The following LRIG1 variants were observed in gnomAD, a reference collection of about 807,000 sequenced individuals.
LRIG1 encodes the protein leucine rich repeats and immunoglobulin like domains 1, also known as leucine-rich repeats and immunoglobulin-like domains protein 1.
Under a neutral mutation model 99.2 loss-of-function variants are expected in LRIG1, and 48 were observed. The ratio of observed to expected loss-of-function variants is 0.48; its 90% confidence interval spans 0.38 to 0.62. The LOEUF is 0.62. Among genes scored for constraint, LRIG1 ranks in the 20% least tolerant of loss-of-function variants. The pLI is 0.00. For missense variants in LRIG1, 1,646 were observed against 1,434.4 expected (o/e 1.15, Z -2.38); for synonymous variants, 772 against 596.1 (o/e 1.29, Z -4.30).
In LRIG1 at chr3:66,380,504, C is replaced by G. The variant is rs376656062; in HGVS notation, c.3056-15G>C. 3.7e-6 allele frequency: 6 copies of G among 1,614,094 alleles called. No individual in the cohort carries two copies. The highest frequency in any genetic ancestry group is 2.2e-5 in the South Asian group (2 of 91,086). ...GGAAGAATCCCCTACAAGGAAAGAACGAACCTGTCAGACCCCCACTTGACC... is the reference window on the plus strand; with the variant it reads ...GGAAGAATCCCCTACAAGGAAAGAAGGAACCTGTCAGACCCCCACTTGACC... On this transcript the variant is annotated splice_polypyrimidine_tract_variant and intron_variant, in intron 18 of 18. Coordinates refer to ENST00000273261, the MANE Select transcript of LRIG1 (RefSeq NM_015541.3).
At chr3:66,495,792 T>C (rs1701213119) in intron 1 of LRIG1, among the ~76,000 whole-genome samples, 1 of 152,206 alleles carries the variant, frequency 6.6e-6, no homozygotes, top group African/African-American at 2.4e-5. Context: ...AAAACCCCAG[T>C]GCTCTCTCCT....
chr3:66,394,112 C>T lies in LRIG1; in HGVS notation c.1396G>A (p.Ala466Thr). ...AGTGATTCTGGGTGGGCACAGGTGG[C>T]TGTCACAAAGGCCTGCAGCATCCTG... The part of the protein sequence containing the change: ...IGRMLQAFVT[A>T]TCAHPESLKG... The change falls in exon 12 of 19, where the codon GCC becomes ACC. Residue 466 changes from alanine (A) to threonine (T), a missense_variant. Ala to Thr is a moderately conservative substitution (Grantham distance 58). Coordinates refer to ENST00000273261, the MANE Select transcript of LRIG1 (RefSeq NM_015541.3). The T allele has an allele frequency of 6.2e-7, 1 of 1,613,840 alleles. No individual in the cohort carries two copies. Among genetic ancestry groups the T allele is most frequent in the Non-Finnish European group, 8.5e-7 (1 of 1,179,910 alleles).
intron 9 of LRIG1, among the ~76,000 whole-genome samples, chr3:66,401,134 C>T (rs1334980355): frequency 2.6e-5 from 4 of 152,214 alleles, no homozygotes; most frequent in East Asian, 1.9e-4. Context: ...TCTTTCAGGC[C>T]GTCTGCATGA....
chr3:66,477,559 G>T (rs1700750442), intron 1 of LRIG1, among the ~76,000 whole-genome samples: 1 of 152,178 alleles, frequency 6.6e-6, no homozygotes, highest in Non-Finnish European at 1.5e-5. Context: ...CATCCAAGAG[G>T]CAAACTGTCT....
chr3:66,424,358 C>G (rs571853462), intron 3 of LRIG1, among the ~76,000 whole-genome samples: 10 of 152,120 alleles, frequency 6.6e-5, no homozygotes, highest in East Asian at 3.9e-4. Context: ...AGGTCTCCCC[C>G]CCATGAAGGT....
At chr3:66,404,527 G>T in intron 9 of LRIG1, 1 of 712,692 alleles carries the variant, frequency 1.4e-6, no homozygotes, top group Non-Finnish European at 1.9e-6. Flanking sequence ...AGCCAAACAA[G>T]CAAATCCTGA....
At chr3:66,417,789 A>AG (rs1702659743) in intron 3 of LRIG1, among the ~76,000 whole-genome samples, 2 of 143,364 alleles carry the variant, frequency 1.4e-5, no homozygotes, top group African/African-American at 5.1e-5. Flanking sequence ...TTAAACAAAA[A>AG]GAAAAAGAAA....
chr3:66,430,481 C>T (rs753874672), intron 3 of LRIG1, among the ~76,000 whole-genome samples: 4 of 152,218 alleles, frequency 2.6e-5, no homozygotes, highest in African/African-American at 7.2e-5. Flanking sequence ...CCCTCACTCA[C>T]TTCTAGCCAC....
At position 66,412,931 on chromosome 3, in the gene LRIG1, C is replaced by T. The variant is rs1702516357; in HGVS notation, c.731G>A (p.Arg244Gln). The T allele has an allele frequency of 2.5e-6, 4 of 1,614,194 alleles. No homozygotes were observed. Among genetic ancestry groups the T allele is most frequent in the South Asian group, 1.1e-5 (1 of 91,072 alleles). ...ATCTGTCAGTTTGCTGATGTTGTTT[C>T]GCTGAAGCTTCAGCACCTCCAAGCT... ...LNSLEVLKLQ[R>Q]NNISKLTDGA... The change falls in exon 6 of 19, where the codon CGA (arginine) becomes CAA (glutamine). Residue 244 changes from arginine to glutamine, a missense_variant. Transcript: ENST00000273261.
chr3:66,412,738 G>T, intron 6 of LRIG1, 133 bp downstream of exon 6: 1 of 997,174 alleles, frequency 1.0e-6, no homozygotes, highest in Non-Finnish European at 1.5e-6. Flanking sequence ...AGCAATGCTG[G>T]TGTGGGCGCA....
intron 11 of LRIG1, among the ~76,000 whole-genome samples, chr3:66,397,717 C>CCCT (rs1441783201): frequency 6.6e-6 from 1 of 152,208 alleles, no homozygotes; most frequent in African/African-American, 2.4e-5. Context: ...CTGAAGTAGA[C>CCCT]CCTCTCAACA....
intron 1 of LRIG1, among the ~76,000 whole-genome samples, chr3:66,475,252 C>T (rs1412603489): frequency 1.3e-5 from 2 of 152,228 alleles, no homozygotes; most frequent in African/African-American, 2.4e-5. Context: ...GTGACTCCAA[C>T]ATGACTTCCC....
At chr3:66,387,160 G>A (rs1053495111) in intron 12 of LRIG1, 2 of 151,184 alleles carry the variant, frequency 1.3e-5, no homozygotes, top group Non-Finnish European at 2.9e-5. Context: ...AGCTGTCTGA[G>A]GGGACAATAC....
chr3:66,490,581 A>T (rs930657103), intron 1 of LRIG1, among the ~76,000 whole-genome samples: 1 of 152,134 alleles, frequency 6.6e-6, no homozygotes, highest in Non-Finnish European at 1.5e-5. Context: ...GTGTTCTCCT[A>T]ATTTGCAGAA....
chr3:66,451,490 G>GT, intron 3 of LRIG1, 69 bp downstream of exon 3: 1 of 1,329,570 alleles, frequency 7.5e-7, no homozygotes, highest in Non-Finnish European at 1.1e-6. Flanking sequence ...CTGCCACCAG[G>GT]TATCAGCAAG....
Position 66,444,995 on chromosome 3 carries a change from G to GT in LRIG1, c.365+6563dup, listed in dbSNP as rs200153499. On this transcript the variant is annotated intron_variant, in intron 3 of 18. Transcript: ENST00000273261. ...TATATAATTCCTCCCTGTTGTGCTG[G>GT]TTTTTTTTGACTAGGCCTGTATCTT... Among the ~76,000 whole-genome samples, 43 of 151,184 alleles carry GT rather than the reference G, an allele frequency of 2.8e-4. No individual in the cohort carries two copies. The East Asian group carries it at 5.2e-3, about 18-fold the overall frequency.
chr3:66,394,623 A>G (rs1701770314), intron 11 of LRIG1, among the ~76,000 whole-genome samples: 1 of 152,046 alleles, frequency 6.6e-6, no homozygotes. Context: ...TGCTGCCACC[A>G]TCCCCCCTCT....
At chr3:66,483,047 T>C (rs1700886156) in intron 1 of LRIG1, among the ~76,000 whole-genome samples, 2 of 152,120 alleles carry the variant, frequency 1.3e-5, no homozygotes, top group African/African-American at 4.8e-5. Context: ...AACAGATCAA[T>C]AGCACCCCCT....
rs1701340705 is a variant in LRIG1, at chr3:66,500,781, G to A, written c.-374C>T. The A allele has an allele frequency of 6.2e-6, 1 of 162,414 alleles. No homozygotes were observed. The highest frequency in any genetic ancestry group is 1.3e-5 in the Non-Finnish European group (1 of 75,290). 10.1% of individuals were successfully genotyped at this position (162,414 alleles called of 1,614,324 possible). ...TGCTGCCGCTGCGCCTGGAAGACAG[G>A]CGTTCAGCCCCGCAGCCCGAGCTCG... On this transcript the variant is annotated 5_prime_UTR_variant, in exon 1 of 19. Transcript: ENST00000273261.
Sources: allele counts gnomAD v4.1 joint callset (sites outside exome capture counted in the v4.1 genomes callset), GRCh38; gene constraint gnomAD v4.1.1; transcripts MANE v1.5; gene names NCBI Gene and HGNC (gene_info 2026-07-23, HGNC 2026-07-21).